SLC4A8: variants seen among roughly 807,000 people sequenced by gnomAD.
SLC4A8 encodes solute carrier family 4 member 8.
In SLC4A8, 40 loss-of-function variants were observed where a neutral mutation model predicts 125.0. The observed-to-expected ratio is 0.32, with a 90% CI of 0.25 to 0.42. The LOEUF (loss-of-function observed/expected upper bound fraction) is 0.42, where lower values mean the gene tolerates loss of function less well. Among genes scored for constraint, SLC4A8 ranks in the 10% least tolerant of loss-of-function variants. SLC4A8 has a pLI of 1.00. For synonymous variants in SLC4A8, 456 were observed against 476.0 expected (o/e 0.96, Z 0.55); for missense variants, 863 against 1,355.1 (o/e 0.64, Z 5.70).
At chr12:51,412,983 G>A (rs1303964951) in intron 1 of SLC4A8, among the ~76,000 whole-genome samples, 1 of 152,034 alleles carries the variant, frequency 6.6e-6, no homozygotes, top group Non-Finnish European at 1.5e-5. Context: ...GTTTTTTAAG[G>A]AACCTCCATA....
chr12:51,422,222 C>T (rs1302252407), upstream of SLC4A8: 1 of 152,200 alleles, frequency 6.6e-6, no homozygotes, highest in Non-Finnish European at 1.5e-5. Context: ...TATTAAATGA[C>T]ACAATGCATT....
chr12:51,460,926 A>G (rs1440400237), intron 8 of SLC4A8, among the ~76,000 whole-genome samples: 2 of 152,248 alleles, frequency 1.3e-5, no homozygotes, highest in East Asian at 1.9e-4. Flanking sequence ...TTGAAAAAGC[A>G]TCTTTTCTAC....
In SLC4A8 at chr12:51,450,995, G is replaced by T. The variant is rs772160443; in HGVS notation, c.250G>T (p.Glu84Ter). The change falls in exon 3 of 25, where the codon GAG (glutamate) becomes TAG (stop). Residue 84 changes from glutamate (E) to a stop codon, truncating the protein, a stop_gained. Coordinates refer to ENST00000453097, the MANE Select transcript of SLC4A8 (RefSeq NM_001039960.3). LOFTEE classifies it high-confidence loss of function. ...RGRGKGASQG[E>*]EGLEALAHDT... ...GCGGGGCAAAGGAGCCAGCCAGGGG[G>T]AGGAAGGCCTGGAAGCCCTGGCCCA... The T allele has an allele frequency of 6.4e-7, 1 of 1,555,028 alleles. No homozygotes were observed. Among genetic ancestry groups the T allele is most frequent in the East Asian group, 2.3e-5 (1 of 42,640 alleles).
In SLC4A8 at chr12:51,510,658, C is replaced by T. The variant is rs1938335670; in HGVS notation, c.*3220C>T. On this transcript the variant is annotated 3_prime_UTR_variant, in exon 25 of 25. Transcript: ENST00000453097. ...AGTTCACTACTGACATCAGACTCAA[C>T]TTTGTCCCCTCTCTTTCTTTTCATG... 6.6e-6 allele frequency: 1 copy of T among 152,204 alleles called. No homozygotes were observed. The highest frequency in any genetic ancestry group is 6.5e-5 in the Admixed American group (1 of 15,288). 9.4% of individuals were successfully genotyped at this position (152,204 alleles called of 1,614,324 possible). A position where few individuals can be genotyped will look rare whatever the true frequency, so the allele number is the denominator to read the frequency against.
intron 11 of SLC4A8, chr12:51,466,556 T>C (rs1950521677): frequency 6.6e-6 from 1 of 152,084 alleles, no homozygotes; most frequent in Admixed American, 6.6e-5. Context: ...CTCATATCCC[T>C]GTGTGCCTCC....
chr12:51,402,467 A>G (rs1948410474), intron 1 of SLC4A8, among the ~76,000 whole-genome samples: 2 of 152,154 alleles, frequency 1.3e-5, no homozygotes, highest in South Asian at 4.1e-4. Context: ...CACGCCTGTA[A>G]TCTCAACACT....
intron 4 of SLC4A8, 46 bp from the exon 5 acceptor site, chr12:51,453,493 T>C (rs1950031529): frequency 2.5e-6 from 4 of 1,592,284 alleles, no homozygotes; most frequent in Non-Finnish European, 3.4e-6. Context: ...TCTTAAAAAT[T>C]CCTCATTTTC....
chr12:51,451,061 A>C (rs1167147144), intron 3 of SLC4A8, 39 bp downstream of exon 3: 1 of 1,418,274 alleles, frequency 7.1e-7, no homozygotes, highest in Non-Finnish European at 9.2e-7. Context: ...TCCATGGCCC[A>C]GGGGAATGGG....
rs1002564839 is a variant in SLC4A8 at position 51,510,938 on chromosome 12, C to A, written c.*3500C>A. 6.6e-6 allele frequency: 1 copy of A among 152,082 alleles called. No homozygotes were observed. Among genetic ancestry groups the A allele is most frequent in the Non-Finnish European group, 1.5e-5 (1 of 68,020 alleles). The allele number at this position is 152,082 out of a possible 1,614,324, so 9.4% of individuals were successfully genotyped here. A position where few individuals can be genotyped will look rare whatever the true frequency, so the allele number is the denominator to read the frequency against. ...GATTGTTGGATCTCTTTGTGAGGTT[C>A]GATTTTTTAAAAATCCATGGGTCCC... On this transcript the variant is annotated 3_prime_UTR_variant, in exon 25 of 25. Transcript: ENST00000453097.
At chr12:51,451,805 A>G (rs570262842) in intron 3 of SLC4A8, among the ~76,000 whole-genome samples, 1 of 152,148 alleles carries the variant, frequency 6.6e-6, no homozygotes, top group South Asian at 2.1e-4. Context: ...AAAGAAAAGA[A>G]AACTTCACAG....
chr12:51,485,762 T>C, intron 16 of SLC4A8, 25 bp from the exon 17 acceptor site: 1 of 1,330,024 alleles, frequency 7.5e-7, no homozygotes, highest in Non-Finnish European at 1.1e-6. Context: ...TGCCAAAACA[T>C]GTGTCCACTT....
chr12:51,472,844 A>C (rs539829194), intron 14 of SLC4A8, among the ~76,000 whole-genome samples: 1 of 152,280 alleles, frequency 6.6e-6, no homozygotes, highest in African/African-American at 2.4e-5. Flanking sequence ...TAACTCTTTA[A>C]ATGATTTTAT....
At chr12:51,417,821 T>C (rs1323923817) in intron 1 of SLC4A8, among the ~76,000 whole-genome samples, 1 of 152,162 alleles carries the variant, frequency 6.6e-6, no homozygotes, top group African/African-American at 2.4e-5. Context: ...CGGCCTAATT[T>C]TTGTATTTTT....
intron 2 of SLC4A8, among the ~76,000 whole-genome samples, chr12:51,447,068 G>GTCTATCTATCTATCTATCTATCTA (rs71089801): frequency 6.7e-6 from 1 of 149,394 alleles, no homozygotes; most frequent in Non-Finnish European, 1.5e-5. Flanking sequence ...CTATCTATCT[G>GTCTATCTATCTATCTATCTATCTA]TCTATCTATC....
chr12:51,397,209 T>G (rs1299229134), intron 1 of SLC4A8, among the ~76,000 whole-genome samples: 1 of 152,188 alleles, frequency 6.6e-6, no homozygotes, highest in Non-Finnish European at 1.5e-5. Flanking sequence ...ATTACAGGCG[T>G]GAGCCACCAC....
intron 1 of SLC4A8, among the ~76,000 whole-genome samples, chr12:51,432,360 A>G (rs1451396946): frequency 6.7e-6 from 1 of 150,360 alleles, no homozygotes; most frequent in Non-Finnish European, 1.5e-5. Context: ...GTAGTGAGCC[A>G]AGATGGCGCC....
rs1938327398 is a variant in SLC4A8, at chr12:51,510,437, A to C, written c.*2999A>C. On this transcript the variant is annotated 3_prime_UTR_variant, in exon 25 of 25. Coordinates refer to ENST00000453097, the MANE Select transcript of SLC4A8 (RefSeq NM_001039960.3). ...AGACTCCATTTCAAAAAAAAAAAAAAAAAAAAACTTCCCAATAGGAGGTAT... is the reference window on the plus strand; with the variant it reads ...AGACTCCATTTCAAAAAAAAAAAAACAAAAAAACTTCCCAATAGGAGGTAT... 1 of 152,164 alleles carries C rather than the reference A, an allele frequency of 6.6e-6. No homozygotes were observed. The highest frequency in any genetic ancestry group is 1.9e-4 in the East Asian group (1 of 5,168). The allele number at this position is 152,164 out of a possible 1,614,324, so 9.4% of individuals were successfully genotyped here.
chr12:51,455,294 A>G (rs1283045574), intron 5 of SLC4A8, among the ~76,000 whole-genome samples: 2 of 152,000 alleles, frequency 1.3e-5, no homozygotes, highest in East Asian at 3.8e-4. Flanking sequence ...AAAGTAAAAG[A>G]AAGAAACGGT....
intron 2 of SLC4A8, chr12:51,450,609 T>G (rs1029708701): frequency 2.3e-6 from 1 of 432,360 alleles, no homozygotes; most frequent in Non-Finnish European, 4.1e-6. Flanking sequence ...TGAATCAGCC[T>G]TTACAGTTTG....
Sources: gnomAD v4.1 joint callset for allele counts (sites outside exome capture counted in the v4.1 genomes callset) on GRCh38, gnomAD v4.1.1 for gene constraint, MANE v1.5 for transcripts, NCBI Gene and HGNC (gene_info 2026-07-23, HGNC 2026-07-21) for gene names.